The following LTBP1 variants were observed in gnomAD, a reference collection of about 807,000 sequenced individuals.
LTBP1 encodes latent-transforming growth factor beta-binding protein 1.
LTBP1 carries 129 observed loss-of-function variants against 207.6 expected under a neutral mutation model. The ratio of observed to expected loss-of-function variants is 0.62; its 90% CI spans 0.54 to 0.72. LTBP1 has a LOEUF of 0.72. LTBP1 is among the 30% of genes least tolerant of loss of function. The pLI, the probability that LTBP1 is intolerant of heterozygous loss-of-function variation, is 0.00. For synonymous variants in LTBP1, 963 were observed against 833.7 expected (o/e 1.16, Z -2.67); for missense variants, 2,281 against 2,217.2 (o/e 1.03, Z -0.58).
chr2:33,203,499 C>G (rs1457692231), intron 7 of LTBP1, among the ~76,000 whole-genome samples: 1 of 152,162 alleles, frequency 6.6e-6, no homozygotes, highest in African/African-American at 2.4e-5. Context: ...AGTATCTGGT[C>G]TTTACCCAGG....
At chr2:32,987,443 G>A (rs1346044619) in intron 2 of LTBP1, among the ~76,000 whole-genome samples, 1 of 152,076 alleles carries the variant, frequency 6.6e-6, no homozygotes, top group Non-Finnish European at 1.5e-5. Flanking sequence ...CCAGGTTTTA[G>A]GAATTCTCGT....
chr2:33,108,347 G>T (rs576185179), intron 3 of LTBP1, among the ~76,000 whole-genome samples: 2 of 152,258 alleles, frequency 1.3e-5, no homozygotes, highest in African/African-American at 4.8e-5. Flanking sequence ...CAATGTGTTT[G>T]TAACTTGAGG....
intron 3 of LTBP1, among the ~76,000 whole-genome samples, chr2:33,077,705 A>G (rs2078162090): frequency 6.6e-6 from 1 of 152,182 alleles, no homozygotes; most frequent in South Asian, 2.1e-4. Flanking sequence ...TTGGGTGGGG[A>G]CACAGATCCA....
chr2:33,295,997 G>C (rs2148899672), intron 20 of LTBP1, among the ~76,000 whole-genome samples: 1 of 152,170 alleles, frequency 6.6e-6, no homozygotes, highest in East Asian at 1.9e-4. Context: ...ATTTCTCCTG[G>C]TCCCTTCTCT....
intron 2 of LTBP1, among the ~76,000 whole-genome samples, chr2:32,960,412 AAT>A (rs1348416349): frequency 1.3e-5 from 2 of 152,070 alleles, no homozygotes; most frequent in African/African-American, 2.4e-5. Context: ...TGAATGAATG[AAT>A]GAATGAATGA....
At chr2:33,141,475 A>T (rs372415546) in intron 5 of LTBP1, among the ~76,000 whole-genome samples, 3 of 152,234 alleles carry the variant, frequency 2.0e-5, no homozygotes, top group African/African-American at 7.2e-5. Context: ...AAAATATAGT[A>T]TATGTGTACA....
intron 25 of LTBP1, 57 bp downstream of exon 25, chr2:33,343,020 A>G: frequency 6.5e-6 from 10 of 1,547,292 alleles, no homozygotes; most frequent in Non-Finnish European, 8.8e-6. Flanking sequence ...AAAAGAAATC[A>G]CAGTGAACAA....
chr2:32,999,761 C>T lies in LTBP1; in HGVS notation c.566-21148C>T, dbSNP rs1685815911. ...ACAAATTAGCTGGGCATGGTGGCGC[C>T]AAGATCACACCACTGCACTCTAGCC... On this transcript the variant is annotated intron_variant, in intron 2 of 33. Coordinates refer to ENST00000404816, the MANE Select transcript of LTBP1 (RefSeq NM_206943.4). 1.5e-5 allele frequency among the ~76,000 whole-genome samples: 2 copies of T among 132,618 alleles called. 1 individual carries two copies. The highest frequency in any genetic ancestry group is 5.2e-5 in the African/African-American group (2 of 38,102). 87.0% of individuals were successfully genotyped at this position (132,618 alleles called of 152,430 possible).
intron 15 of LTBP1, among the ~76,000 whole-genome samples, chr2:33,272,036 G>A (rs995196689): frequency 1.2e-4 from 19 of 152,196 alleles, no homozygotes; most frequent in African/African-American, 4.1e-4. Context: ...CATGGGGTGT[G>A]CATACATTTC....
intron 32 of LTBP1, among the ~76,000 whole-genome samples, chr2:33,393,526 G>C (rs10177671): frequency 6.8e-6 from 1 of 147,184 alleles, no homozygotes; most frequent in South Asian, 2.2e-4. Flanking sequence ...CCACCTATGA[G>C]TGAGAACATG....
chr2:33,221,832 C>G (rs1468012454), intron 8 of LTBP1, among the ~76,000 whole-genome samples: 2 of 152,070 alleles, frequency 1.3e-5, no homozygotes, highest in Non-Finnish European at 2.9e-5. Context: ...GTACAACAAT[C>G]TTAGGATTGT....
chr2:33,019,328 C>CTTTTTTTTT (rs58570641), intron 2 of LTBP1, among the ~76,000 whole-genome samples: 2 of 87,714 alleles, frequency 2.3e-5, no homozygotes, highest in Non-Finnish European at 4.5e-5. Context: ...ATGTACACTT[C>CTTTTTTTTT]TTTTTTTTTT....
intron 24 of LTBP1, among the ~76,000 whole-genome samples, chr2:33,333,644 A>G (rs955344125): frequency 1.3e-5 from 2 of 152,222 alleles, no homozygotes; most frequent in African/African-American, 4.8e-5. Context: ...TGGTAAAAAA[A>G]CGAAGCAATT....
intron 3 of LTBP1, among the ~76,000 whole-genome samples, chr2:33,023,941 G>T (rs549638176): frequency 3.8e-3 from 575 of 152,298 alleles, no homozygotes; most frequent in Non-Finnish European, 6.0e-3. Context: ...TTCAGGTTTT[G>T]TGTTTAACCA....
chr2:33,164,093 G>A (rs1359705928), intron 5 of LTBP1, among the ~76,000 whole-genome samples: 2 of 151,964 alleles, frequency 1.3e-5, no homozygotes, highest in Admixed American at 1.3e-4. Context: ...GTTCATGCCT[G>A]TAATCCCAGC....
chr2:33,121,423 G>A (rs962797381), intron 4 of LTBP1, among the ~76,000 whole-genome samples: 15 of 152,060 alleles, frequency 9.9e-5, no homozygotes, highest in African/African-American at 3.6e-4. Context: ...GTGAAAGGGC[G>A]GTGGTCGTTC....
At chr2:32,995,248 C>T (rs1194153868) in intron 2 of LTBP1, among the ~76,000 whole-genome samples, 1 of 151,930 alleles carries the variant, frequency 6.6e-6, no homozygotes, top group African/African-American at 2.4e-5. Context: ...CCAGAGTGCT[C>T]CACAGCCGGT....
chr2:33,038,171 T>G (rs1016061015), intron 3 of LTBP1, among the ~76,000 whole-genome samples: 1 of 152,258 alleles, frequency 6.6e-6, no homozygotes, highest in Non-Finnish European at 1.5e-5. Context: ...TTAATTTGAA[T>G]GCCAAACCAA....
intron 10 of LTBP1, among the ~76,000 whole-genome samples, chr2:33,246,199 C>A (rs1289267048): frequency 6.6e-6 from 1 of 152,114 alleles, no homozygotes; most frequent in Non-Finnish European, 1.5e-5. Context: ...GGGCTCTTTA[C>A]CAGTGTTGAG....
Sources: allele counts gnomAD v4.1 joint callset (sites outside exome capture counted in the v4.1 genomes callset), GRCh38; gene constraint gnomAD v4.1.1; transcripts MANE v1.5; gene names NCBI Gene and HGNC (gene_info 2026-07-23, HGNC 2026-07-21).